SLC30A7: variants seen among roughly 807,000 people sequenced by gnomAD.
SLC30A7 encodes the protein solute carrier family 30 member 7, also known as zinc transporter 7.
A neutral mutation model predicts 46.0 loss-of-function variants in SLC30A7; 35 were observed. That is an observed-to-expected ratio of 0.76 (90% CI 0.58 to 1.01). The LOEUF (loss-of-function observed/expected upper bound fraction) is 1.01. Ranked by LOEUF, SLC30A7 falls within the 50% of genes least tolerant of loss-of-function variation. The probability of loss-of-function intolerance (pLI) is 0.00; values close to 1 mark genes in which losing one functional copy is unlikely to be tolerated. For missense variants in SLC30A7, 464 were observed against 451.1 expected, an observed-to-expected ratio of 1.03 and a Z score of -0.26; for synonymous variants, 147 against 157.8, an observed-to-expected ratio of 0.93 and a Z score of 0.51.
At chr1:100,988,346 C>CTA in the SLC30A7 span, among the ~76,000 whole-genome samples, 1 of 152,084 alleles carries the variant, frequency 6.6e-6, no homozygotes, top group Non-Finnish European at 1.5e-5. Flanking sequence ...TTCAGTGACT[C>CTA]CCTAGAGTTT....
At chr1:100,941,236 C>T (rs1654329584) in intron 8 of SLC30A7, 1 of 373,958 alleles carries the variant, frequency 2.7e-6, no homozygotes, top group Non-Finnish European at 5.2e-6. Flanking sequence ...TTACAAAATC[C>T]ATTTTAACCA....
chr1:100,979,975 C>T lies in SLC30A7; in HGVS notation c.*5118C>T, dbSNP rs566589403. On this transcript the variant is annotated 3_prime_UTR_variant, in exon 11 of 11. Coordinates refer to ENST00000357650, the MANE Select transcript of SLC30A7 (RefSeq NM_133496.5). ...TTGGTATGGCGGAACAGTCATTATA[C>T]ATTATTTAGACTCATTCCTTCTTCC... The T allele has an allele frequency of 6.6e-6, 1 of 152,220 alleles. No individual in the cohort carries two copies. The highest frequency in any genetic ancestry group is 2.1e-4 in the South Asian group (1 of 4,828). 9.4% of individuals were successfully genotyped at this position (152,220 alleles called of 1,614,324 possible).
chr1:100,963,218 G>T (rs1655652811), intron 9 of SLC30A7, among the ~76,000 whole-genome samples: 1 of 152,152 alleles, frequency 6.6e-6, no homozygotes, highest in Non-Finnish European at 1.5e-5. Flanking sequence ...AGAAGTTCTA[G>T]TTCTACTCTT....
At chr1:100,963,006 G>A (rs1382223365) in intron 9 of SLC30A7, among the ~76,000 whole-genome samples, 3 of 152,156 alleles carry the variant, frequency 2.0e-5, no homozygotes, top group Non-Finnish European at 4.4e-5. Context: ...CAGGTTTGAG[G>A]ATGGAAAATC....
intron 10 of SLC30A7, 86 bp from the exon 11 acceptor site, chr1:100,974,724 G>T: frequency 2.0e-6 from 2 of 982,158 alleles, no homozygotes; most frequent in Non-Finnish European, 2.8e-6. Flanking sequence ...AGTGAGATTT[G>T]TAAAAGAAAA....
intron 8 of SLC30A7, among the ~76,000 whole-genome samples, chr1:100,932,347 G>A (rs1446672946): frequency 6.6e-6 from 1 of 152,068 alleles, no homozygotes; most frequent in African/African-American, 2.4e-5. Context: ...CCTGGGAGGT[G>A]GAGGTTGCAG....
chr1:100,993,163 T>C, the SLC30A7 span, among the ~76,000 whole-genome samples: 1 of 152,150 alleles, frequency 6.6e-6, no homozygotes, highest in African/African-American at 2.4e-5. Flanking sequence ...AACTAAAGCA[T>C]CTTGGATGCT....
chr1:100,930,721 C>A (rs988254533), intron 8 of SLC30A7, among the ~76,000 whole-genome samples: 4 of 151,822 alleles, frequency 2.6e-5, no homozygotes, highest in Non-Finnish European at 5.9e-5. Flanking sequence ...TGAACTATTA[C>A]TTTTGGGGAC....
chr1:100,959,555 T>G (rs900135147), intron 8 of SLC30A7, among the ~76,000 whole-genome samples: 31 of 152,228 alleles, frequency 2.0e-4, no homozygotes, highest in Non-Finnish European at 3.8e-4. Flanking sequence ...TTTGGGCTGT[T>G]GAACTGAGGG....
At chr1:100,953,230 T>C (rs1170616682) in intron 8 of SLC30A7, among the ~76,000 whole-genome samples, 1 of 152,208 alleles carries the variant, frequency 6.6e-6, no homozygotes, top group Admixed American at 6.5e-5. Context: ...ATTAAACCTC[T>C]TCTTTTCATA....
At chr1:100,945,724 G>A (rs1468239736) in intron 8 of SLC30A7, among the ~76,000 whole-genome samples, 2 of 152,128 alleles carry the variant, frequency 1.3e-5, no homozygotes, top group African/African-American at 4.8e-5. Context: ...GTAACGTGAT[G>A]CCTCCAGCTT....
At chr1:100,960,159 T>C (rs1024623706) in intron 8 of SLC30A7, among the ~76,000 whole-genome samples, 2 of 152,232 alleles carry the variant, frequency 1.3e-5, no homozygotes, top group African/African-American at 4.8e-5. Flanking sequence ...ATCTTCTCCA[T>C]ATTTTTTAGT....
chr1:100,947,306 C>T (rs1654695638), intron 8 of SLC30A7, among the ~76,000 whole-genome samples: 1 of 152,130 alleles, frequency 6.6e-6, no homozygotes, highest in Admixed American at 6.6e-5. Flanking sequence ...GCCTTCATTT[C>T]ATTATTTACC....
At chr1:100,984,130 C>T (rs1657138003), downstream of SLC30A7, among the ~76,000 whole-genome samples, 1 of 152,104 alleles carries the variant, frequency 6.6e-6, no homozygotes, top group African/African-American at 2.4e-5. Flanking sequence ...TGGTGGTGGC[C>T]AACAGCTATG....
chr1:100,927,403 T>C (rs1653374985), intron 8 of SLC30A7, among the ~76,000 whole-genome samples: 1 of 152,084 alleles, frequency 6.6e-6, no homozygotes, highest in Non-Finnish European at 1.5e-5. Flanking sequence ...TAATCAACTC[T>C]GCTAAATGCT....
At chr1:100,970,004 T>A (rs1029309656) in intron 10 of SLC30A7, among the ~76,000 whole-genome samples, 3 of 152,236 alleles carry the variant, frequency 2.0e-5, no homozygotes, top group South Asian at 2.1e-4. Flanking sequence ...AATTTAAATT[T>A]AAAAAAAATT....
chr1:100,991,823 G>A, the SLC30A7 span, among the ~76,000 whole-genome samples: 5 of 148,218 alleles, frequency 3.4e-5, no homozygotes, highest in East Asian at 2.0e-4. Flanking sequence ...TGGGCCAGGC[G>A]TGGTGGTTCA....
intron 2 of SLC30A7, among the ~76,000 whole-genome samples, chr1:100,900,629 T>C (rs1252383405): frequency 6.6e-6 from 1 of 152,282 alleles, no homozygotes; most frequent in East Asian, 1.9e-4. Context: ...TTTTTTAAAG[T>C]AAGGGACTAT....
intron 6 of SLC30A7, among the ~76,000 whole-genome samples, chr1:100,914,739 A>G (rs1652367396): frequency 1.3e-5 from 2 of 152,182 alleles, no homozygotes; most frequent in Non-Finnish European, 2.9e-5. Context: ...CAACATAGAC[A>G]GAATCCTAAA....
Sources: gnomAD v4.1 joint callset for allele counts (sites outside exome capture counted in the v4.1 genomes callset) on GRCh38, gnomAD v4.1.1 for gene constraint, MANE v1.5 for transcripts, NCBI Gene and HGNC (gene_info 2026-07-23, HGNC 2026-07-21) for gene names.